The following PPM1L variants were observed in gnomAD, a reference collection of about 807,000 sequenced individuals.
PPM1L encodes the protein protein phosphatase 1L.
In PPM1L, 13 loss-of-function variants were observed where a neutral mutation model predicts 31.4. That is an observed-to-expected ratio of 0.41 (90% CI 0.27 to 0.66). The LOEUF (loss-of-function observed/expected upper bound fraction) is 0.66, where lower values mean the gene tolerates loss of function less well. PPM1L is among the 30% of genes least tolerant of loss of function. PPM1L has a pLI of 0.29. For missense variants in PPM1L, 326 were observed against 453.7 expected, an observed-to-expected ratio of 0.72 and a Z score of 2.56; for synonymous variants, 184 against 175.4, an observed-to-expected ratio of 1.05 and a Z score of -0.39.
At chr3:160,761,590 T>C (rs1378753377) in intron 1 of PPM1L, among the ~76,000 whole-genome samples, 1 of 152,232 alleles carries the variant, frequency 6.6e-6, no homozygotes, top group East Asian at 1.9e-4. Context: ...TGCAGACTTT[T>C]ATGGAATACA....
At chr3:160,802,764 A>C (rs1271813870) in intron 1 of PPM1L, among the ~76,000 whole-genome samples, 1 of 152,232 alleles carries the variant, frequency 6.6e-6, no homozygotes, top group African/African-American at 2.4e-5. Flanking sequence ...TTTCACTTTT[A>C]TCTTGGCAAA....
At chr3:160,762,014 A>G (rs1045731019) in intron 1 of PPM1L, among the ~76,000 whole-genome samples, 1 of 152,190 alleles carries the variant, frequency 6.6e-6, no homozygotes, top group Admixed American at 6.5e-5. Flanking sequence ...CAGCCAAACC[A>G]TATCACCATT....
intron 2 of PPM1L, among the ~76,000 whole-genome samples, chr3:161,058,392 T>C (rs1719483035): frequency 1.3e-5 from 2 of 152,058 alleles, no homozygotes; most frequent in African/African-American, 4.8e-5. Context: ...CCGAAAGTGC[T>C]GGGATTACAG....
At chr3:160,859,517 T>C (rs919014382) in intron 1 of PPM1L, among the ~76,000 whole-genome samples, 38 of 152,182 alleles carry the variant, frequency 2.5e-4, no homozygotes, top group African/African-American at 8.9e-4. Context: ...TTGTCAAGAG[T>C]AATTGTTCTA....
intron 1 of PPM1L, among the ~76,000 whole-genome samples, chr3:160,814,550 C>CACACACATATGTATGTATATATATAT (rs1712913812): frequency 1.2e-5 from 1 of 81,618 alleles, no homozygotes; most frequent in Non-Finnish European, 2.4e-5. Context: ...TGTATATATA[C>CACACACATATGTATGTATATATATAT]ACACACACAT....
intron 1 of PPM1L, among the ~76,000 whole-genome samples, chr3:160,778,881 T>A (rs1260409037): frequency 6.6e-6 from 1 of 152,168 alleles, no homozygotes; most frequent in Non-Finnish European, 1.5e-5. Context: ...TCAAACTCAT[T>A]CTAAGTGCTT....
intron 1 of PPM1L, among the ~76,000 whole-genome samples, chr3:160,915,308 A>G (rs1001387260): frequency 2.6e-5 from 4 of 152,188 alleles, no homozygotes; most frequent in African/African-American, 9.6e-5. Flanking sequence ...CCCATTCACA[A>G]TTGCTTCAAA....
intron 1 of PPM1L, among the ~76,000 whole-genome samples, chr3:160,949,465 G>T (rs528925745): frequency 1.3e-5 from 2 of 152,052 alleles, no homozygotes; most frequent in Non-Finnish European, 2.9e-5. Flanking sequence ...TGTGATGCTC[G>T]GCAAGTATAA....
In PPM1L at chr3:161,075,584, T is replaced by TA. The variant is rs1720071190; in HGVS notation, c.*6433dup. 6.6e-6 allele frequency: 1 copy of TA among 152,132 alleles called. No homozygotes were observed. The highest frequency in any genetic ancestry group is 2.4e-5 in the African/African-American group (1 of 41,420). The allele number at this position is 152,132 out of a possible 1,614,324, so 9.4% of individuals were successfully genotyped here. A position where few individuals can be genotyped will look rare whatever the true frequency, so the allele number is the denominator to read the frequency against. Reference sequence around the variant, plus strand: ...AAAAATGGTTTGGAACACTTTTTAATAAAAAATTGTAAAATCAGTTTCCAG... The same window carrying TA: ...AAAAATGGTTTGGAACACTTTTTAATAAAAAAATTGTAAAATCAGTTTCCAG... On this transcript the variant is annotated 3_prime_UTR_variant, in exon 4 of 4. Coordinates refer to ENST00000498165, the MANE Select transcript of PPM1L (RefSeq NM_139245.4).
chr3:160,993,435 A>G (rs1356367263), intron 2 of PPM1L, among the ~76,000 whole-genome samples: 3 of 152,170 alleles, frequency 2.0e-5, no homozygotes, highest in Non-Finnish European at 2.9e-5. Flanking sequence ...CTGAACTACA[A>G]TCTTTCATAC....
intron 1 of PPM1L, among the ~76,000 whole-genome samples, chr3:160,903,526 T>C (rs1490729769): frequency 6.6e-6 from 1 of 152,214 alleles, no homozygotes; most frequent in Non-Finnish European, 1.5e-5. Flanking sequence ...TCTAGACTAA[T>C]ATTTGACCAA....
At chr3:160,951,668 T>C (rs1027579161) in intron 1 of PPM1L, among the ~76,000 whole-genome samples, 7 of 152,214 alleles carry the variant, frequency 4.6e-5, no homozygotes, top group African/African-American at 7.2e-5. Context: ...AGTGTCAGAT[T>C]GAATATGAAT....
intron 1 of PPM1L, among the ~76,000 whole-genome samples, chr3:160,863,804 C>T (rs771444251): frequency 6.6e-6 from 1 of 152,178 alleles, no homozygotes; most frequent in Non-Finnish European, 1.5e-5. Context: ...CTTGAGCACC[C>T]TTCCAGGTAT....
At chr3:160,936,343 G>A (rs11916355) in intron 1 of PPM1L, among the ~76,000 whole-genome samples, 40,791 of 151,840 alleles carry the variant, frequency 0.27, 5,648 homozygotes, top group East Asian at 0.41. Context: ...CACCCACCTC[G>A]GCCTCCCAAA....
chr3:160,957,495 G>A (rs1279072246), intron 1 of PPM1L, among the ~76,000 whole-genome samples: 1 of 151,848 alleles, frequency 6.6e-6, no homozygotes, highest in Non-Finnish European at 1.5e-5. Context: ...TTCCACAATG[G>A]CTGAACTAAT....
intron 2 of PPM1L, among the ~76,000 whole-genome samples, chr3:161,022,770 T>C (rs761578591): frequency 1.6e-3 from 249 of 151,206 alleles, no homozygotes; most frequent in Non-Finnish European, 2.5e-3. Flanking sequence ...TACACACCAT[T>C]CTCCTGCCTC....
intron 2 of PPM1L, among the ~76,000 whole-genome samples, chr3:160,991,335 A>G (rs1375056402): frequency 6.6e-6 from 1 of 152,166 alleles, no homozygotes; most frequent in Non-Finnish European, 1.5e-5. Context: ...CAGTTACTGA[A>G]AACTTAAGAC....
At chr3:160,960,829 TG>T (rs531636239) in intron 1 of PPM1L, among the ~76,000 whole-genome samples, 232 of 152,230 alleles carry the variant, frequency 1.5e-3, no homozygotes, top group African/African-American at 5.5e-3. Flanking sequence ...TAACTAGCAA[TG>T]GGATTCTCAA....
intron 2 of PPM1L, among the ~76,000 whole-genome samples, chr3:161,061,152 T>C (rs896841295): frequency 4.6e-5 from 7 of 151,352 alleles, no homozygotes; most frequent in African/African-American, 1.7e-4. Context: ...TCCTGGTTTG[T>C]TTCAGATCAT....
Sources: allele counts gnomAD v4.1 joint callset (sites outside exome capture counted in the v4.1 genomes callset), GRCh38; gene constraint gnomAD v4.1.1; transcripts MANE v1.5; gene names NCBI Gene and HGNC (gene_info 2026-07-23, HGNC 2026-07-21).